The following SOX12 variants were observed in gnomAD, a reference collection of about 807,000 sequenced individuals.
SOX12 encodes the protein transcription factor SOX-12.
Under a neutral mutation model 21.5 loss-of-function variants are expected in SOX12, and 8 were observed. That is an observed-to-expected ratio of 0.37 (90% CI 0.22 to 0.67). SOX12 has a LOEUF of 0.67. SOX12 is among the 30% of genes least tolerant of loss of function. The pLI, the probability that SOX12 is intolerant of heterozygous loss-of-function variation, is 0.56. For synonymous variants in SOX12, 235 were observed against 224.2 expected (o/e 1.05, Z -0.43); for missense variants, 400 against 482.6 (o/e 0.83, Z 1.60).
Position 326,893 on chromosome 20 carries a change from G to C in SOX12, c.*21G>C, listed in dbSNP as rs199869082. 2.3e-4 allele frequency: 367 copies of C among 1,611,358 alleles called. 1 individual carries two copies. In the African/African-American group the frequency reaches 4.5e-3, roughly 20 times the overall value. Reference sequence around the variant, plus strand: ...ACTGAGCCCACCGTCAGCGGGGCGCGCACGCCCCCAAACCAGCTGTTTACA... The same window carrying C: ...ACTGAGCCCACCGTCAGCGGGGCGCCCACGCCCCCAAACCAGCTGTTTACA... On this transcript the variant is annotated 3_prime_UTR_variant, in exon 1 of 1. Coordinates refer to ENST00000342665, the MANE Select transcript of SOX12 (RefSeq NM_006943.4). This position sits in a 1 kb window ranked among gnomAD's most constrained non-coding sequence, Gnocchi z 9.9.
In SOX12 at chr20:327,687, C is replaced by T. The variant is rs1345537348; in HGVS notation, c.*815C>T. On this transcript the variant is annotated 3_prime_UTR_variant, in exon 1 of 1. Coordinates refer to ENST00000342665, the MANE Select transcript of SOX12 (RefSeq NM_006943.4). The stretch of plus-strand genomic sequence containing the variant: ...ACCACCTCTCCGGTCGCGTGGCTGC[C>T]TCTACAGCCTACCTATACGTCCCTT... 1 of 167,198 alleles carries T rather than the reference C, an allele frequency of 6.0e-6. No individual in the cohort carries two copies. The highest frequency in any genetic ancestry group is 6.5e-5 in the Admixed American group (1 of 15,298). 10.4% of individuals were successfully genotyped at this position (167,198 alleles called of 1,614,324 possible).
In SOX12 at chr20:330,167, CTCT is replaced by C. The variant is rs1480768500; in HGVS notation, c.*3301_*3303del. The C allele has an allele frequency of 6.0e-6, 1 of 167,076 alleles. No homozygotes were observed. Among genetic ancestry groups the C allele is most frequent in the African/African-American group, 2.4e-5 (1 of 41,590 alleles). 10.3% of individuals were successfully genotyped at this position (167,076 alleles called of 1,614,324 possible). On this transcript the variant is annotated 3_prime_UTR_variant, in exon 1 of 1. Coordinates refer to ENST00000342665, the MANE Select transcript of SOX12 (RefSeq NM_006943.4). ...GACTTCCTATGCCCAGGCCTGCTTC[CTCT>C]TCTTCCTCTTCTTTTCACAGGTGCT...
rs1177134454 is a variant in SOX12 at position 329,731 on chromosome 20, G to C, written c.*2859G>C. 2 of 167,158 alleles carry C rather than the reference G, an allele frequency of 1.2e-5. No individual in the cohort carries two copies. Among genetic ancestry groups the C allele is most frequent in the Non-Finnish European group, 2.9e-5 (2 of 68,160 alleles). The allele number at this position is 167,158 out of a possible 1,614,324, so 10.4% of individuals were successfully genotyped here. On this transcript the variant is annotated 3_prime_UTR_variant, in exon 1 of 1. Transcript: ENST00000342665. Reference sequence around the variant, plus strand: ...CCCTCCCCCTAATTCTCATCTGTCAGATCCAGTGTATTCCTAAGCTGGGAC... The same window carrying C: ...CCCTCCCCCTAATTCTCATCTGTCACATCCAGTGTATTCCTAAGCTGGGAC...
At position 326,390 on chromosome 20, in the gene SOX12, G is replaced by T. The variant is rs755018354; in HGVS notation, c.466G>T (p.Gly156Trp). 1 of 1,334,766 alleles carries T rather than the reference G, an allele frequency of 7.5e-7. No homozygotes were observed. The highest frequency in any genetic ancestry group is 9.5e-7 in the Non-Finnish European group (1 of 1,047,382). 82.7% of individuals were successfully genotyped at this position (1,334,766 alleles called of 1,614,324 possible). ...GGRRAAGGPL[G>W]GGAAAPEDDD... The stretch of plus-strand genomic sequence containing the variant: ...CCGCCGAGCAGCGGGAGGGCCTTTG[G>T]GGGGCGGGGCGGCGGCGCCCGAGGA... The change falls in exon 1 of 1, where the codon GGG becomes TGG. Residue 156 changes from glycine to tryptophan, a missense_variant. By Grantham distance (184) the Gly-to-Trp change is radical (BLOSUM62 -2). Around this residue, in one of 4 missense-constraint regions of SOX12, gnomAD observed 235 missense variants for 219.3 expected, o/e 1.07. Coordinates refer to ENST00000342665, the MANE Select transcript of SOX12 (RefSeq NM_006943.4). This position sits in a 1 kb window ranked among gnomAD's most constrained non-coding sequence, Gnocchi z 9.9.
In SOX12 at chr20:325,971, C is replaced by T. The variant is rs772171052; in HGVS notation, c.47C>T (p.Pro16Leu). 20 of 1,399,736 alleles carry T rather than the reference C, an allele frequency of 1.4e-5. No individual in the cohort carries two copies. In the East Asian group the frequency reaches 4.4e-4, roughly 31 times the overall value. The allele number at this position is 1,399,736 out of a possible 1,614,324, so 86.7% of individuals were successfully genotyped here. ...GARAKRDGGPPPPGPGPAEEG... is the reference protein window; with the variant it reads ...GARAKRDGGPLPPGPGPAEEG... ...AGGGCCAAGCGGGACGGCGGGCCGC[C>T]GCCCCCGGGACCCGGGCCGGCCGAG... The change falls in exon 1 of 1, where the codon CCG (proline) becomes CTG (leucine). Residue 16 changes from proline (P) to leucine (L), a missense_variant. This residue lies in a region of SOX12 where 56 missense variants were observed against 51.5 expected (regional missense o/e 1.09). Coordinates refer to ENST00000342665, the MANE Select transcript of SOX12 (RefSeq NM_006943.4). This position sits in a 1 kb window ranked among gnomAD's most constrained non-coding sequence, Gnocchi z 5.0.
chr20:326,391 G>A lies in SOX12; in HGVS notation c.467G>A (p.Gly156Glu). Residue 156 changes from glycine to glutamate, a missense_variant, in exon 1 of 1, where the codon GGG (glycine) becomes GAG (glutamate). Gly to Glu is a moderately conservative substitution (Grantham distance 98). This residue lies in a region of SOX12 where 235 missense variants were observed against 219.3 expected (regional missense o/e 1.07). Transcript: ENST00000342665. This position sits in a 1 kb window ranked among gnomAD's most constrained non-coding sequence, Gnocchi z 9.9. Reference protein sequence around the residue: ...GGRRAAGGPLGGGAAAPEDDD... With the variant: ...GGRRAAGGPLEGGAAAPEDDD... ...CGCCGAGCAGCGGGAGGGCCTTTGG[G>A]GGGCGGGGCGGCGGCGCCCGAGGAC... 3.0e-6 allele frequency: 4 copies of A among 1,334,190 alleles called. No individual in the cohort carries two copies. The highest frequency in any genetic ancestry group is 3.8e-6 in the Non-Finnish European group (4 of 1,047,320). 82.6% of individuals were successfully genotyped at this position (1,334,190 alleles called of 1,614,324 possible).
chr20:326,000 G>T lies in SOX12; in HGVS notation c.76G>T (p.Gly26Trp). ...PPPGPGPAEE[G>W]AREPGWCKTP... ...CCCGGGACCCGGGCCGGCCGAGGAG[G>T]GGGCGCGCGAGCCCGGCTGGTGCAA... Residue 26 changes from glycine (G) to tryptophan (W), a missense_variant, in exon 1 of 1, where the codon GGG (glycine) becomes TGG (tryptophan). By Grantham distance (184) the Gly-to-Trp change is radical. Transcript: ENST00000342665. This position sits in a 1 kb window ranked among gnomAD's most constrained non-coding sequence, Gnocchi z 5.0. 6.7e-7 allele frequency: 1 copy of T among 1,502,506 alleles called. No individual in the cohort carries two copies. The highest frequency in any genetic ancestry group is 8.9e-7 in the Non-Finnish European group (1 of 1,124,382). The allele number at this position is 1,502,506 out of a possible 1,614,324, so 93.1% of individuals were successfully genotyped here.
rs1194822337 is a variant in SOX12 at position 325,921 on chromosome 20, C to G, written c.-4C>G. The G allele has an allele frequency of 1.7e-6, 2 of 1,164,620 alleles. No homozygotes were observed. Among genetic ancestry groups the G allele is most frequent in the Non-Finnish European group, 2.1e-6 (2 of 945,704 alleles). 72.1% of individuals were successfully genotyped at this position (1,164,620 alleles called of 1,614,324 possible). ...GGCGTCTAGCGGCCCCGGGCCCAGGCGCGATGGTGCAGCAGCGGGGCGCGA... is the reference window on the plus strand; with the variant it reads ...GGCGTCTAGCGGCCCCGGGCCCAGGGGCGATGGTGCAGCAGCGGGGCGCGA... On this transcript the variant is annotated 5_prime_UTR_variant, in exon 1 of 1. Coordinates refer to ENST00000342665, the MANE Select transcript of SOX12 (RefSeq NM_006943.4). The surrounding 1 kb of genome is among the most constrained non-coding windows in gnomAD (Gnocchi z 5.0).
Position 327,203 on chromosome 20 carries a change from G to T in SOX12, c.*331G>T, listed in dbSNP as rs965935726. 8 of 308,302 alleles carry T rather than the reference G, an allele frequency of 2.6e-5. No homozygotes were observed. Among genetic ancestry groups the T allele is most frequent in the East Asian group, 1.0e-4 (1 of 9,674 alleles). 19.1% of individuals were successfully genotyped at this position (308,302 alleles called of 1,614,324 possible). ...CCCCCTTTTGCACACGCCCCTCCTC[G>T]TGGCCGGAGGACCCGCCCCCTCCTT... On this transcript the variant is annotated 3_prime_UTR_variant, in exon 1 of 1. Coordinates refer to ENST00000342665, the MANE Select transcript of SOX12 (RefSeq NM_006943.4).
At position 325,823 on chromosome 20, in the gene SOX12, G is replaced by A; in HGVS notation, c.-102G>A. The A allele has an allele frequency of 1.7e-6, 1 of 575,012 alleles. No individual in the cohort carries two copies. The highest frequency in any genetic ancestry group is 2.2e-6 in the Non-Finnish European group (1 of 451,662). The allele number at this position is 575,012 out of a possible 1,614,324, so 35.6% of individuals were successfully genotyped here. A position where few individuals can be genotyped will look rare whatever the true frequency, so the allele number is the denominator to read the frequency against. On this transcript the variant is annotated 5_prime_UTR_variant, in exon 1 of 1. Coordinates refer to ENST00000342665, the MANE Select transcript of SOX12 (RefSeq NM_006943.4). The surrounding 1 kb of genome is among the most constrained non-coding windows in gnomAD (Gnocchi z 5.0). ...TCGCGGGGGCCGGGCCGAGCCGCGG[G>A]GCGGGGCCGCCCCTCCGTCGCCGCT...
Position 328,568 on chromosome 20 carries a change from T to C in SOX12, c.*1696T>C. On this transcript the variant is annotated 3_prime_UTR_variant, in exon 1 of 1. Coordinates refer to ENST00000342665, the MANE Select transcript of SOX12 (RefSeq NM_006943.4). ...AAACAACAACAACAAAAAAAGACAA[T>C]GAAAAAAAAAACGTCATGTGAGTGA... 6.9e-6 allele frequency: 1 copy of C among 144,312 alleles called. No individual in the cohort carries two copies. The highest frequency in any genetic ancestry group is 1.6e-5 in the Non-Finnish European group (1 of 63,228). The allele number at this position is 144,312 out of a possible 1,614,324, so 8.9% of individuals were successfully genotyped here.
Position 326,984 on chromosome 20 carries a change from C to CT in SOX12, c.*112_*113insT, listed in dbSNP as rs1402401487. ...GGCACCCCATCTCCCGCGCAGCCTG[C>CT]CCCCTCCTGGACGTGCCCATCCCCC... On this transcript the variant is annotated 3_prime_UTR_variant, in exon 1 of 1. Coordinates refer to ENST00000342665, the MANE Select transcript of SOX12 (RefSeq NM_006943.4). The surrounding 1 kb of genome is among the most constrained non-coding windows in gnomAD (Gnocchi z 9.9). The CT allele has an allele frequency of 9.0e-5, 91 of 1,007,428 alleles. No homozygotes were observed. The highest frequency in any genetic ancestry group is 5.2e-4 in the Middle Eastern group (2 of 3,828). 62.4% of individuals were successfully genotyped at this position (1,007,428 alleles called of 1,614,324 possible). A position where few individuals can be genotyped will look rare whatever the true frequency, so the allele number is the denominator to read the frequency against.
In SOX12 at chr20:327,107, T is replaced by G; in HGVS notation, c.*235T>G. On this transcript the variant is annotated 3_prime_UTR_variant, in exon 1 of 1. Coordinates refer to ENST00000342665, the MANE Select transcript of SOX12 (RefSeq NM_006943.4). ...CCAAGCCCCTCCCCACGTCGCCCCC[T>G]CCTGCACAGCCACCAGCAGCCAGCC... 4.2e-6 allele frequency: 2 copies of G among 481,094 alleles called. No homozygotes were observed. The highest frequency in any genetic ancestry group is 7.4e-6 in the Non-Finnish European group (2 of 270,750). 29.8% of individuals were successfully genotyped at this position (481,094 alleles called of 1,614,324 possible).
chr20:328,254 C>T lies in SOX12; in HGVS notation c.*1382C>T, dbSNP rs1162846644. 1.8e-5 allele frequency: 3 copies of T among 166,734 alleles called. No homozygotes were observed. Among genetic ancestry groups the T allele is most frequent in the Non-Finnish European group, 2.9e-5 (2 of 68,280 alleles). The allele number at this position is 166,734 out of a possible 1,614,324, so 10.3% of individuals were successfully genotyped here. ...TGTGGCCCCTCTCACGCCGCCATCT[C>T]TCTGCCCCGCCCCGCCCCTCCGGCC... On this transcript the variant is annotated 3_prime_UTR_variant, in exon 1 of 1. Transcript: ENST00000342665.
In SOX12 at chr20:326,280, C is replaced by T; in HGVS notation, c.356C>T (p.Pro119Leu). 5.4e-6 allele frequency: 8 copies of T among 1,469,754 alleles called. No homozygotes were observed. The highest frequency in any genetic ancestry group is 7.2e-6 in the Non-Finnish European group (8 of 1,107,032). 91.0% of individuals were successfully genotyped at this position (1,469,754 alleles called of 1,614,324 possible). Reference protein sequence around the residue: ...YRPRKKSKGAPAKARPRPPGG... With the variant: ...YRPRKKSKGALAKARPRPPGG... The stretch of plus-strand genomic sequence containing the variant: ...CCGCGCAAAAAGAGCAAGGGGGCGC[C>T]CGCCAAGGCGCGGCCCCGCCCCCCC... The change falls in exon 1 of 1, where the codon CCC becomes CTC. Residue 119 changes from proline (P) to leucine (L), a missense_variant. By Grantham distance (98) the Pro-to-Leu change is moderately conservative. Coordinates refer to ENST00000342665, the MANE Select transcript of SOX12 (RefSeq NM_006943.4). The surrounding 1 kb of genome is among the most constrained non-coding windows in gnomAD (Gnocchi z 9.9).
At position 326,271 on chromosome 20, in the gene SOX12, A is replaced by T. The variant is rs866311137; in HGVS notation, c.347A>T (p.Lys116Met). The change falls in exon 1 of 1, where the codon AAG becomes ATG. Residue 116 changes from lysine (K) to methionine (M), a missense_variant. Physicochemically the swap from Lys to Met is moderately conservative, Grantham distance 95 (BLOSUM62 -1). Coordinates refer to ENST00000342665, the MANE Select transcript of SOX12 (RefSeq NM_006943.4). The surrounding 1 kb of genome is among the most constrained non-coding windows in gnomAD (Gnocchi z 9.9). ...AAGTACCGGCCGCGCAAAAAGAGCAAGGGGGCGCCCGCCAAGGCGCGGCCC... is the reference window on the plus strand; with the variant it reads ...AAGTACCGGCCGCGCAAAAAGAGCATGGGGGCGCCCGCCAAGGCGCGGCCC... ...DYKYRPRKKS[K>M]GAPAKARPRP... is the part of the protein sequence containing the mutation. The T allele has an allele frequency of 6.7e-7, 1 of 1,484,044 alleles. No homozygotes were observed. Among genetic ancestry groups the T allele is most frequent in the African/African-American group, 1.5e-5 (1 of 68,726 alleles). 91.9% of individuals were successfully genotyped at this position (1,484,044 alleles called of 1,614,324 possible). A position where few individuals can be genotyped will look rare whatever the true frequency, so the allele number is the denominator to read the frequency against.
rs1390027264 is a variant in SOX12, at chr20:326,585, C to T, written c.661C>T (p.Pro221Ser). 2 of 1,536,346 alleles carry T rather than the reference C, an allele frequency of 1.3e-6. No homozygotes were observed. Among genetic ancestry groups the T allele is most frequent in the East Asian group, 4.9e-5 (2 of 40,682 alleles). Reference protein sequence around the residue: ...AAAAAAASPTPSEDEEPEEEE... With the variant: ...AAAAAAASPTSSEDEEPEEEE... The stretch of plus-strand genomic sequence containing the variant: ...CGCCGCCGCCGCCGCCTCCCCGACA[C>T]CGTCGGAGGACGAGGAGCCGGAGGA... Residue 221 changes from proline (P) to serine (S), a missense_variant, in exon 1 of 1, where the codon CCG (proline) becomes TCG (serine). Coordinates refer to ENST00000342665, the MANE Select transcript of SOX12 (RefSeq NM_006943.4). This position sits in a 1 kb window ranked among gnomAD's most constrained non-coding sequence, Gnocchi z 9.9.
rs1157156638 is a variant in SOX12 at position 329,229 on chromosome 20, C to T, written c.*2357C>T. The T allele has an allele frequency of 6.0e-6, 1 of 167,160 alleles. No homozygotes were observed. Among genetic ancestry groups the T allele is most frequent in the African/African-American group, 2.4e-5 (1 of 41,454 alleles). The allele number at this position is 167,160 out of a possible 1,614,324, so 10.4% of individuals were successfully genotyped here. The stretch of plus-strand genomic sequence containing the variant: ...AAGATTGGGCCACACTGTCTGGACT[C>T]AAAGCCCAGCTCCACCACTGAGCAC... On this transcript the variant is annotated 3_prime_UTR_variant, in exon 1 of 1. Transcript: ENST00000342665.
Position 326,579 on chromosome 20 carries a change from C to G in SOX12, c.655C>G (p.Pro219Ala). 5 of 1,533,690 alleles carry G rather than the reference C, an allele frequency of 3.3e-6. No individual in the cohort carries two copies. The highest frequency in any genetic ancestry group is 3.5e-6 in the Non-Finnish European group (4 of 1,140,984). The change falls in exon 1 of 1, where the codon CCG becomes GCG. Residue 219 changes from proline (P) to alanine (A), a missense_variant. Physicochemically the swap from Pro to Ala is conservative, Grantham distance 27. Transcript: ENST00000342665. This position sits in a 1 kb window ranked among gnomAD's most constrained non-coding sequence, Gnocchi z 9.9. ...EGAAAAAAAS[P>A]TPSEDEEPEE... ...GGCGGCCGCCGCCGCCGCCGCCTCC[C>G]CGACACCGTCGGAGGACGAGGAGCC...
Sources: gnomAD v4.1 joint callset for allele counts on GRCh38, gnomAD v4.1.1 for gene constraint, gnomAD v4.1.1 regional missense constraint, Gnocchi (gnomAD v3.1) non-coding constraint, MANE v1.5 for transcripts, NCBI Gene and HGNC (gene_info 2026-07-23, HGNC 2026-07-21) for gene names.